Variants in HSD17B12 observed in about 807,000 individuals in gnomAD.
HSD17B12 encodes hydroxysteroid 17-beta dehydrogenase 12, also known as very-long-chain 3-oxoacyl-CoA reductase.
A neutral mutation model predicts 39.3 loss-of-function variants in HSD17B12; 32 were observed. The ratio of observed to expected loss-of-function variants is 0.81; its 90% CI spans 0.61 to 1.09. The LOEUF (loss-of-function observed/expected upper bound fraction) is 1.09, where lower values mean the gene tolerates loss of function less well. HSD17B12 is among the 50% of genes least tolerant of loss of function. HSD17B12 has a pLI of 0.00. For synonymous variants in HSD17B12, 150 were observed against 146.7 expected (o/e 1.02, Z -0.16); for missense variants, 342 against 382.9 (o/e 0.89, Z 0.89).
chr11:43,847,715 C>CAAAAAAAAAAAAA (rs749195210), intron 9 of HSD17B12, among the ~76,000 whole-genome samples: 119 of 85,544 alleles, frequency 1.4e-3, no homozygotes, highest in Non-Finnish European at 1.7e-3. Context: ...CTCTGCCTCA[C>CAAAAAAAAAAAAA]AAAAAAAAAA....
intron 3 of HSD17B12, among the ~76,000 whole-genome samples, chr11:43,761,768 A>G (rs1272447035): frequency 2.6e-5 from 4 of 152,222 alleles, no homozygotes; most frequent in Admixed American, 2.0e-4. Flanking sequence ...GACTTCTCAC[A>G]TGGTAACTAT....
chr11:43,839,198 C>T (rs1299419534), intron 8 of HSD17B12, among the ~76,000 whole-genome samples: 1 of 152,172 alleles, frequency 6.6e-6, no homozygotes, highest in African/African-American at 2.4e-5. Context: ...GAGCAAAACT[C>T]CGACTTCTTT....
chr11:43,683,416 CAGA>C (rs1949770354), intron 1 of HSD17B12, among the ~76,000 whole-genome samples: 1 of 151,350 alleles, frequency 6.6e-6, no homozygotes, highest in African/African-American at 2.4e-5. Context: ...AATGCTTAAG[CAGA>C]AGAAGTGATC....
chr11:43,619,202 T>TATATATATAAAATATATATATATG, the HSD17B12 span, among the ~76,000 whole-genome samples: 1 of 53,818 alleles, frequency 1.9e-5, no homozygotes, highest in African/African-American at 6.5e-5. Flanking sequence ...ATATATGATA[T>TATATATATAAAATATATATATATG]ATATATATAT....
intron 1 of HSD17B12, among the ~76,000 whole-genome samples, chr11:43,681,536 G>C (rs1056007290): frequency 6.6e-6 from 1 of 152,008 alleles, no homozygotes; most frequent in Non-Finnish European, 1.5e-5. Context: ...GATAGTAATC[G>C]TATCTGGATT....
chr11:43,624,778 T>C, the HSD17B12 span, among the ~76,000 whole-genome samples: 1 of 151,750 alleles, frequency 6.6e-6, no homozygotes, highest in African/African-American at 2.4e-5. Flanking sequence ...AATTTCAAGG[T>C]AAAAATCAAG....
chr11:43,817,330 A>C (rs1225900001), intron 6 of HSD17B12, among the ~76,000 whole-genome samples: 1 of 152,164 alleles, frequency 6.6e-6, no homozygotes, highest in Non-Finnish European at 1.5e-5. Flanking sequence ...TTAGCCGTGC[A>C]GAAGTTCTTT....
At chr11:43,750,471 A>G (rs1950455780) in intron 1 of HSD17B12, among the ~76,000 whole-genome samples, 1 of 151,598 alleles carries the variant, frequency 6.6e-6, no homozygotes. Flanking sequence ...CTATATCTCA[A>G]TTTACTTATT....
chr11:43,816,284 A>G, intron 5 of HSD17B12, 63 bp from the exon 6 acceptor site: 1 of 1,287,196 alleles, frequency 7.8e-7, no homozygotes, highest in South Asian at 1.5e-5. Flanking sequence ...TTACCTAAGT[A>G]GATATCTAAT....
chr11:43,756,900 A>G (rs1448702258), intron 3 of HSD17B12, among the ~76,000 whole-genome samples: 1 of 152,228 alleles, frequency 6.6e-6, no homozygotes, highest in Non-Finnish European at 1.5e-5. Context: ...ATTTTCATGA[A>G]GGAACAGATG....
chr11:43,583,086 A>G, the HSD17B12 span, among the ~76,000 whole-genome samples: 1,148 of 152,264 alleles, frequency 7.5e-3, 18 homozygotes, highest in African/African-American at 0.026. Context: ...TGCTTCTTAC[A>G]TACCCCTCCT....
upstream of HSD17B12, among the ~76,000 whole-genome samples, chr11:43,676,495 G>A (rs1053715605): frequency 6.6e-6 from 1 of 152,142 alleles, no homozygotes; most frequent in Non-Finnish European, 1.5e-5. Flanking sequence ...GTGTAATTTA[G>A]AGGCCAGTAA....
chr11:43,729,762 A>G (rs117295227), intron 1 of HSD17B12, among the ~76,000 whole-genome samples: 1,633 of 152,346 alleles, frequency 0.011, 10 homozygotes, highest in Non-Finnish European at 0.016. Context: ...GAATGAAACA[A>G]ACTTCAAATG....
chr11:43,679,534 G>C (rs913716842), upstream of HSD17B12, among the ~76,000 whole-genome samples: 1 of 151,940 alleles, frequency 6.6e-6, no homozygotes, highest in African/African-American at 2.4e-5. Context: ...CTTTGCTAAC[G>C]TAGTTCCCAT....
Position 43,855,178 on chromosome 11 carries a change from A to G in HSD17B12, c.869A>G (p.Tyr290Cys), listed in dbSNP as rs200123365. 4.5e-5 allele frequency: 72 copies of G among 1,611,628 alleles called. No individual in the cohort carries two copies. The African/African-American group carries it at 9.2e-4, about 21-fold the overall frequency. ...SIISNLPSWI[Y>C]LKIVMNMNKS... ...ATCTCAAACCTGCCTTCTTGGATTT[A>G]TTTGAAAATAGTCATGAATATGAAC... Residue 290 changes from tyrosine to cysteine, a missense_variant, in exon 11 of 11, where the codon TAT (tyrosine) becomes TGT (cysteine). By Grantham distance (194) the Tyr-to-Cys change is radical (BLOSUM62 -2). Transcript: ENST00000278353.
intron 1 of HSD17B12, among the ~76,000 whole-genome samples, chr11:43,732,012 C>T (rs538714738): frequency 2.0e-5 from 3 of 152,156 alleles, no homozygotes; most frequent in Non-Finnish European, 4.4e-5. Flanking sequence ...CCCCCCTGAC[C>T]TAAGTCTCAT....
the HSD17B12 span, among the ~76,000 whole-genome samples, chr11:43,558,757 C>T: frequency 2.3e-4 from 34 of 150,664 alleles, 1 homozygote; most frequent in Non-Finnish European, 2.8e-4. Context: ...GCTGGGGGTG[C>T]GGGGGCGGAG....
intron 1 of HSD17B12, among the ~76,000 whole-genome samples, chr11:43,731,196 C>A (rs1430926620): frequency 1.3e-5 from 2 of 152,114 alleles, no homozygotes; most frequent in Non-Finnish European, 2.9e-5. Context: ...GGGGTTTCAC[C>A]ATGTTGACCA....
At chr11:43,777,634 C>T (rs922542239) in intron 3 of HSD17B12, among the ~76,000 whole-genome samples, 9 of 152,154 alleles carry the variant, frequency 5.9e-5, no homozygotes, top group Admixed American at 2.6e-4. Context: ...CCAGAACTTC[C>T]AACACTATGT....
Sources: gnomAD v4.1 joint callset for allele counts (sites outside exome capture counted in the v4.1 genomes callset) on GRCh38, gnomAD v4.1.1 for gene constraint, MANE v1.5 for transcripts, NCBI Gene and HGNC (gene_info 2026-07-23, HGNC 2026-07-21) for gene names.